The following NRG1 variants were observed in gnomAD, a reference collection of about 807,000 sequenced individuals.
The protein encoded by NRG1 is pro-neuregulin-1, membrane-bound isoform.
A neutral mutation model predicts 63.8 loss-of-function variants in NRG1; 18 were observed. The ratio of observed to expected loss-of-function variants is 0.28; its 90% CI spans 0.19 to 0.42. The LOEUF (loss-of-function observed/expected upper bound fraction) is 0.42, where lower values mean the gene tolerates loss of function less well. NRG1 is among the 10% of genes least tolerant of loss of function. NRG1 has a pLI of 1.00. For missense variants in NRG1, 762 were observed against 814.7 expected (o/e 0.94, Z 0.79); for synonymous variants, 302 against 301.3 (o/e 1.00, Z -0.02).
intron 1 of NRG1, among the ~76,000 whole-genome samples, chr8:32,394,155 T>G (rs1812143083): frequency 6.6e-6 from 1 of 152,196 alleles, no homozygotes; most frequent in African/African-American, 2.4e-5. Context: ...AACTCTGTGT[T>G]CCTGCTTTAA....
At chr8:31,976,652 A>T (rs771884750) in intron 1 of NRG1, among the ~76,000 whole-genome samples, 11 of 150,562 alleles carry the variant, frequency 7.3e-5, no homozygotes, top group Non-Finnish European at 1.6e-4. Context: ...ATGGGTGAGG[A>T]TCTGCCATGG....
intron 1 of NRG1, among the ~76,000 whole-genome samples, chr8:31,676,148 TG>T (rs1807672314): frequency 6.6e-6 from 1 of 152,042 alleles, no homozygotes; most frequent in Non-Finnish European, 1.5e-5. Context: ...GGATTGTAGG[TG>T]GGTAAGATTA....
chr8:32,010,879 T>A (rs1563677034), intron 1 of NRG1, among the ~76,000 whole-genome samples: 1 of 152,112 alleles, frequency 6.6e-6, no homozygotes. Flanking sequence ...TCTGATGTCC[T>A]ATAATGTTTC....
chr8:31,973,499 G>C (rs1462893), intron 1 of NRG1, among the ~76,000 whole-genome samples: 95,428 of 151,818 alleles, frequency 0.63, 34,394 homozygotes, highest in Non-Finnish European at 0.81. Flanking sequence ...CTCTCTTACA[G>C]AATAGATGGA....
intron 1 of NRG1, among the ~76,000 whole-genome samples, chr8:32,332,560 C>A (rs1297523025): frequency 2.0e-5 from 3 of 152,128 alleles, no homozygotes; most frequent in African/African-American, 7.2e-5. Flanking sequence ...CTACCATATG[C>A]CGGGCACTAA....
rs5890599 is a variant in NRG1, at chr8:31,832,249, G to GTT, written c.37+192835_37+192836dup. Among the ~76,000 whole-genome samples the GTT allele has an allele frequency of 1.0e-3, 142 of 136,128 alleles. 2 individuals are homozygous for GTT. Among genetic ancestry groups the GTT allele is most frequent in the Middle Eastern group, 3.9e-3 (1 of 256 alleles). 89.3% of individuals were successfully genotyped at this position (136,128 alleles called of 152,430 possible). Reference sequence around the variant, plus strand: ...AATAAGCCAGCCATTAAATGCTCTAGTTTTTTTTTTTTTTTTTTCTTGAGA... The same window carrying GTT: ...AATAAGCCAGCCATTAAATGCTCTAGTTTTTTTTTTTTTTTTTTTTCTTGAGA... On this transcript the variant is annotated intron_variant, in intron 1 of 10. Coordinates refer to the NRG1 transcript ENST00000519301.
intron 1 of NRG1, among the ~76,000 whole-genome samples, chr8:32,274,762 A>T (rs1851911832): frequency 6.6e-6 from 1 of 152,182 alleles, no homozygotes; most frequent in Non-Finnish European, 1.5e-5. Flanking sequence ...AGATGTGTCA[A>T]ATCAAGTTCT....
intron 1 of NRG1, among the ~76,000 whole-genome samples, chr8:32,378,190 C>A (rs1349491438): frequency 6.6e-6 from 1 of 151,976 alleles, no homozygotes; most frequent in Non-Finnish European, 1.5e-5. Context: ...AGGAACAAGG[C>A]CAGCTAGACA....
intron 5 of NRG1, among the ~76,000 whole-genome samples, chr8:32,682,797 C>T (rs952656235): frequency 2.0e-5 from 3 of 152,104 alleles, no homozygotes; most frequent in African/African-American, 7.2e-5. Context: ...AGCAATTCTC[C>T]TGCATAATAA....
intron 1 of NRG1, among the ~76,000 whole-genome samples, chr8:32,163,762 G>A (rs748482168): frequency 1.3e-5 from 2 of 152,194 alleles, no homozygotes; most frequent in Non-Finnish European, 2.9e-5. Context: ...ACACTGGTAC[G>A]TTAGGAATAT....
chr8:32,427,605 T>G (rs556314164), intron 1 of NRG1, among the ~76,000 whole-genome samples: 39 of 152,340 alleles, frequency 2.6e-4, no homozygotes, highest in African/African-American at 8.4e-4. Flanking sequence ...CATGTGCGTT[T>G]TAGAGGTAAC....
chr8:31,959,794 ATTATTTATTTATTTATTTATTTAT>A (rs202231999), intron 1 of NRG1, among the ~76,000 whole-genome samples: 2 of 122,314 alleles, frequency 1.6e-5, no homozygotes, highest in Admixed American at 1.7e-4. Flanking sequence ...TTATTTATTT[ATTATTTATTTATTTATTTATTTAT>A]TTATTTATTT....
chr8:31,654,846 C>T (rs991032854), intron 1 of NRG1, among the ~76,000 whole-genome samples: 3 of 152,152 alleles, frequency 2.0e-5, no homozygotes, highest in Non-Finnish European at 4.4e-5. Flanking sequence ...GAAGCTGAGT[C>T]AGGAGGATCC....
chr8:31,827,733 T>G (rs1482870352), intron 1 of NRG1, among the ~76,000 whole-genome samples: 2 of 152,250 alleles, frequency 1.3e-5, no homozygotes, highest in Non-Finnish European at 2.9e-5. Context: ...CTTCTTTCTC[T>G]TTATTCGATT....
chr8:32,129,503 AT>A, intron 1 of NRG1, among the ~76,000 whole-genome samples: 1 of 152,040 alleles, frequency 6.6e-6, no homozygotes. Context: ...AAGGAAACCA[AT>A]CACATTGGAT....
chr8:32,765,480 T>A (rs1318410355), exon 12 of NRG1: 1 of 152,064 alleles, frequency 6.6e-6, no homozygotes, highest in African/African-American at 2.4e-5. Context: ...CATCGTAGAG[T>A]GTTCAGAAGG....
intron 1 of NRG1, among the ~76,000 whole-genome samples, chr8:31,736,221 A>G (rs1267986419): frequency 6.6e-6 from 1 of 152,200 alleles, no homozygotes; most frequent in African/African-American, 2.4e-5. Context: ...GAAGCACTGC[A>G]GAACCCTTGC....
chr8:32,389,551 C>G (rs1380979308), intron 1 of NRG1, among the ~76,000 whole-genome samples: 1 of 152,134 alleles, frequency 6.6e-6, no homozygotes, highest in Admixed American at 6.5e-5. Flanking sequence ...TATCTAATAT[C>G]TCTTGAATCA....
intron 1 of NRG1, among the ~76,000 whole-genome samples, chr8:31,951,758 T>G (rs1192361944): frequency 2.6e-5 from 4 of 152,168 alleles, no homozygotes; most frequent in African/African-American, 7.2e-5. Context: ...GCCATCGAAG[T>G]TCCCTTCTTC....
Sources: allele counts gnomAD v4.1 joint callset (sites outside exome capture counted in the v4.1 genomes callset), GRCh38; gene constraint gnomAD v4.1.1; transcripts MANE v1.5; gene names NCBI Gene and HGNC (gene_info 2026-07-23, HGNC 2026-07-21).